The following SNX7 variants were observed in gnomAD, a reference collection of about 807,000 sequenced individuals.
SNX7 encodes sorting nexin 7.
Under a neutral mutation model 48.4 loss-of-function variants are expected in SNX7, and 35 were observed. The ratio of observed to expected loss-of-function variants is 0.72; its 90% CI spans 0.55 to 0.96. The LOEUF is 0.96. Among genes scored for constraint, SNX7 ranks in the 40% least tolerant of loss-of-function variants. The pLI is 0.00. For missense variants in SNX7, 553 were observed against 548.9 expected, an observed-to-expected ratio of 1.01 and a Z score of -0.07; for synonymous variants, 190 against 190.2, an observed-to-expected ratio of 1.00 and a Z score of 0.01.
At chr1:98,703,103 A>G (rs950120668) in intron 7 of SNX7, among the ~76,000 whole-genome samples, 18 of 151,778 alleles carry the variant, frequency 1.2e-4, no homozygotes, top group African/African-American at 4.3e-4. Context: ...TTAAGGGCAG[A>G]TTTTTTTTAT....
intron 7 of SNX7, among the ~76,000 whole-genome samples, chr1:98,712,981 C>A (rs1652393860): frequency 6.6e-6 from 1 of 151,788 alleles, no homozygotes; most frequent in African/African-American, 2.4e-5. Context: ...ATGCCAGCTA[C>A]CCGGGAGGCT....
chr1:98,699,044 T>C, intron 6 of SNX7, 139 bp downstream of exon 6: 1 of 717,128 alleles, frequency 1.4e-6, no homozygotes. Context: ...TCAATAAATA[T>C]TTATTCACTG....
intron 8 of SNX7, among the ~76,000 whole-genome samples, chr1:98,754,368 C>T (rs1375709836): frequency 2.0e-5 from 3 of 151,866 alleles, no homozygotes; most frequent in African/African-American, 7.3e-5. Context: ...GGACAGCATC[C>T]CCATGTCTTC....
intron 7 of SNX7, among the ~76,000 whole-genome samples, chr1:98,714,929 C>CT (rs1652509483): frequency 1.3e-5 from 2 of 152,124 alleles, no homozygotes; most frequent in Non-Finnish European, 2.9e-5. Context: ...AAGTGACAAA[C>CT]TTACAGAAAA....
At chr1:98,737,873 ATAT>A (rs1653872906) in intron 7 of SNX7, among the ~76,000 whole-genome samples, 1 of 152,202 alleles carries the variant, frequency 6.6e-6, no homozygotes, top group Non-Finnish European at 1.5e-5. Flanking sequence ...TTTAATATAA[ATAT>A]TATCACCAGA....
At chr1:98,735,889 A>C (rs1488338593) in intron 7 of SNX7, among the ~76,000 whole-genome samples, 1 of 152,194 alleles carries the variant, frequency 6.6e-6, no homozygotes, top group African/African-American at 2.4e-5. Flanking sequence ...TCTTAATCCC[A>C]ATGCTGTACT....
At chr1:98,672,228 C>T (rs111489033) in intron 1 of SNX7, among the ~76,000 whole-genome samples, 63 of 152,108 alleles carry the variant, frequency 4.1e-4, no homozygotes, top group African/African-American at 1.5e-3. Flanking sequence ...CTGCTCTCGG[C>T]TTTGACTCTG....
At chr1:98,750,179 A>G (rs996756852) in intron 8 of SNX7, among the ~76,000 whole-genome samples, 4 of 151,992 alleles carry the variant, frequency 2.6e-5, no homozygotes, top group Non-Finnish European at 5.9e-5. Context: ...ACAGAAATAT[A>G]TAATTATATT....
At chr1:98,720,477 T>G (rs1019646891) in intron 7 of SNX7, among the ~76,000 whole-genome samples, 1 of 152,096 alleles carries the variant, frequency 6.6e-6, no homozygotes, top group African/African-American at 2.4e-5. Flanking sequence ...TGAAAGCAAT[T>G]TTATCCTTAT....
intron 8 of SNX7, among the ~76,000 whole-genome samples, chr1:98,748,830 C>G (rs1427754338): frequency 6.6e-6 from 1 of 152,074 alleles, no homozygotes; most frequent in Non-Finnish European, 1.5e-5. Flanking sequence ...CTCCCTTCCC[C>G]CACCCCATAT....
chr1:98,723,967 A>C (rs1453280626), intron 7 of SNX7, among the ~76,000 whole-genome samples: 9 of 152,178 alleles, frequency 5.9e-5, no homozygotes, highest in African/African-American at 2.2e-4. Flanking sequence ...GCTGGCAAAA[A>C]AAAATTATAA....
At chr1:98,719,042 C>G (rs1367189976) in intron 7 of SNX7, among the ~76,000 whole-genome samples, 1 of 152,114 alleles carries the variant, frequency 6.6e-6, no homozygotes. Flanking sequence ...CTTTAGAATA[C>G]TTAGAAGTGA....
chr1:98,710,137 C>T (rs534419929), intron 7 of SNX7, among the ~76,000 whole-genome samples: 2 of 152,116 alleles, frequency 1.3e-5, no homozygotes, highest in Admixed American at 6.6e-5. Context: ...CTCATGTAAC[C>T]GTTACCCAGA....
At chr1:98,755,486 C>T (rs1197699540) in intron 8 of SNX7, among the ~76,000 whole-genome samples, 1 of 4,970 alleles carries the variant, frequency 2.0e-4, no homozygotes, top group Non-Finnish European at 5.6e-4. Flanking sequence ...ATTATGTCCT[C>T]TAGATGGATG....
intron 1 of SNX7, among the ~76,000 whole-genome samples, chr1:98,663,239 A>G: frequency 1.5e-5 from 2 of 135,704 alleles, no homozygotes; most frequent in African/African-American, 5.5e-5. Flanking sequence ...CAGAATCATC[A>G]GGGTTTCTTT....
At chr1:98,674,145 T>C (rs567285977) in intron 1 of SNX7, among the ~76,000 whole-genome samples, 6 of 152,232 alleles carry the variant, frequency 3.9e-5, no homozygotes, top group Non-Finnish European at 8.8e-5. Flanking sequence ...TGGAGCAAAG[T>C]TGAAATATTT....
At chr1:98,688,980 C>G (rs960160848) in intron 2 of SNX7, among the ~76,000 whole-genome samples, 3 of 152,258 alleles carry the variant, frequency 2.0e-5, no homozygotes, top group Non-Finnish European at 1.5e-5. Context: ...TCTTAGCTCA[C>G]TGCAACCTCT....
chr1:98,723,947 T>C (rs1013494586), intron 7 of SNX7, among the ~76,000 whole-genome samples: 2 of 124,642 alleles, frequency 1.6e-5, no homozygotes, highest in African/African-American at 5.4e-5. Context: ...TATTTTCTTT[T>C]TCATTGTTAG....
At chr1:98,666,664 A>G (rs913175934) in intron 1 of SNX7, among the ~76,000 whole-genome samples, 31 of 151,928 alleles carry the variant, frequency 2.0e-4, no homozygotes, top group South Asian at 4.2e-4. Context: ...GTGACCTGCC[A>G]CTCTCCTACG....
Sources: allele counts gnomAD v4.1 joint callset (sites outside exome capture counted in the v4.1 genomes callset), GRCh38; gene constraint gnomAD v4.1.1; transcripts MANE v1.5; gene names NCBI Gene and HGNC (gene_info 2026-07-23, HGNC 2026-07-21).